The following SNTG1 variants were observed in gnomAD, a reference collection of about 807,000 sequenced individuals.
The protein encoded by SNTG1 is gamma-1-syntrophin.
A neutral mutation model predicts 74.7 loss-of-function variants in SNTG1; 39 were observed. The observed-to-expected ratio is 0.52, with a 90% CI of 0.40 to 0.68. The LOEUF is 0.68. SNTG1 is among the 30% of genes least tolerant of loss of function. The pLI is 0.00. For synonymous variants in SNTG1, 254 were observed against 217.1 expected (o/e 1.17, Z -1.49); for missense variants, 685 against 609.5 (o/e 1.12, Z -1.30).
chr8:50,271,120 C>T (rs952411132), intron 2 of SNTG1, among the ~76,000 whole-genome samples: 1 of 152,104 alleles, frequency 6.6e-6, no homozygotes, highest in Non-Finnish European at 1.5e-5. Flanking sequence ...AGAATAACAA[C>T]ATCCCTGGCA....
intron 9 of SNTG1, 35 bp downstream of exon 9, chr8:50,502,915 C>T: frequency 6.8e-7 from 1 of 1,463,690 alleles, no homozygotes; most frequent in Non-Finnish European, 9.5e-7. Context: ...AAAGTGCTCA[C>T]ATCATTATAG....
At position 50,587,649 on chromosome 8, in the gene SNTG1, A is replaced by C. The variant is rs1016996601; in HGVS notation, c.811-3230A>C. Reference sequence around the variant, plus strand: ...AGACCAGACTGGCTAACATGGCGAAACCCTGTCTCTACTAAAAATACAAAA... The same window carrying C: ...AGACCAGACTGGCTAACATGGCGAACCCCTGTCTCTACTAAAAATACAAAA... On this transcript the variant is annotated intron_variant, in intron 12 of 18. Coordinates refer to ENST00000642720, the MANE Select transcript of SNTG1 (RefSeq NM_018967.5). 2.7e-4 allele frequency among the ~76,000 whole-genome samples: 41 copies of C among 150,978 alleles called. 1 individual carries two copies. The highest frequency in any genetic ancestry group is 3.4e-3 in the Middle Eastern group (1 of 290).
rs191228036 is a variant in SNTG1 at position 50,515,295 on chromosome 8, C to T, written c.466+12415C>T. 4.3e-3 allele frequency among the ~76,000 whole-genome samples: 648 copies of T among 150,948 alleles called. 4 individuals carry two copies. The highest frequency in any genetic ancestry group is 0.015 in the South Asian group (72 of 4,798). On this transcript the variant is annotated intron_variant, in intron 9 of 18. Coordinates refer to ENST00000642720, the MANE Select transcript of SNTG1 (RefSeq NM_018967.5). ...TTATAGTCTATCAAATGTTCCATAACGGCATTATGTGTAAAAATACACATA... is the reference window on the plus strand; with the variant it reads ...TTATAGTCTATCAAATGTTCCATAATGGCATTATGTGTAAAAATACACATA...
At chr8:50,116,883 A>G (rs1414211807) in intron 1 of SNTG1, among the ~76,000 whole-genome samples, 1 of 152,098 alleles carries the variant, frequency 6.6e-6, no homozygotes, top group Admixed American at 6.6e-5. Context: ...CAGCAGAATG[A>G]CCTTCAGAAC....
chr8:50,400,680 G>C (rs1304226453), intron 3 of SNTG1, among the ~76,000 whole-genome samples: 1 of 152,048 alleles, frequency 6.6e-6, no homozygotes, highest in Non-Finnish European at 1.5e-5. Flanking sequence ...TTGTCTTTTT[G>C]TTAGTCACCA....
intron 17 of SNTG1, among the ~76,000 whole-genome samples, chr8:50,712,143 A>T (rs1220179558): frequency 2.6e-5 from 4 of 152,214 alleles, no homozygotes; most frequent in Non-Finnish European, 5.9e-5. Flanking sequence ...GAGACATGGG[A>T]GGGCATACAC....
At position 50,574,724 on chromosome 8, in the gene SNTG1, G is replaced by A. The variant is rs1292834816; in HGVS notation, c.811-16155G>A. 3.3e-5 allele frequency among the ~76,000 whole-genome samples: 5 copies of A among 152,034 alleles called. No homozygotes were observed. In the East Asian group the frequency reaches 7.7e-4, roughly 23 times the overall value. ...TTGTGTATATTATATAATAACTTAC[G>A]AATGGTTTAATATTTGACATGTAAG... On this transcript the variant is annotated intron_variant, in intron 12 of 18. Coordinates refer to ENST00000642720, the MANE Select transcript of SNTG1 (RefSeq NM_018967.5).
intron 18 of SNTG1, among the ~76,000 whole-genome samples, chr8:50,791,577 A>C (rs1397566771): frequency 6.6e-6 from 1 of 152,012 alleles, no homozygotes; most frequent in South Asian, 2.1e-4. Flanking sequence ...AATGTGTCAT[A>C]AAGTATTGAA....
chr8:49,961,383 AG>A (rs1374967387), intron 1 of SNTG1, among the ~76,000 whole-genome samples: 1 of 152,204 alleles, frequency 6.6e-6, no homozygotes, highest in Non-Finnish European at 1.5e-5. Flanking sequence ...TTTTGATTAT[AG>A]GAAAAAGAAT....
At chr8:50,054,766 G>A (rs1335565794) in intron 1 of SNTG1, among the ~76,000 whole-genome samples, 1 of 151,932 alleles carries the variant, frequency 6.6e-6, no homozygotes, top group Non-Finnish European at 1.5e-5. Context: ...TGAACTCTTG[G>A]GTCCAAGCCA....
At chr8:49,979,900 G>A (rs1563425343) in intron 1 of SNTG1, among the ~76,000 whole-genome samples, 1 of 152,214 alleles carries the variant, frequency 6.6e-6, no homozygotes, top group Admixed American at 6.5e-5. Flanking sequence ...TTTCTGTGAG[G>A]AAAATTCTAT....
chr8:50,519,060 C>A (rs1179078677), intron 9 of SNTG1, among the ~76,000 whole-genome samples: 1 of 151,878 alleles, frequency 6.6e-6, no homozygotes, highest in African/African-American at 2.4e-5. Context: ...CCTCCAAAAG[C>A]AACTCTCAAA....
intron 2 of SNTG1, among the ~76,000 whole-genome samples, chr8:50,235,950 T>A (rs1425074970): frequency 6.6e-6 from 1 of 152,128 alleles, no homozygotes; most frequent in African/African-American, 2.4e-5. Flanking sequence ...CATAAAGAAA[T>A]TCCCATAGTT....
At position 49,911,545 on chromosome 8, in the gene SNTG1, C is replaced by A. The variant is rs1410786011; in HGVS notation, c.-789C>A. 2.1e-5 allele frequency: 3 copies of A among 142,920 alleles called. No homozygotes were observed. The highest frequency in any genetic ancestry group is 8.0e-5 in the African/African-American group (3 of 37,552). The allele number at this position is 142,920 out of a possible 1,614,324, so 8.9% of individuals were successfully genotyped here. On this transcript the variant is annotated 5_prime_UTR_variant, in exon 1 of 19. Transcript: ENST00000642720. ...ACTGTTAATTTGGAGAAACAATTAG[C>A]CCCTACAAAAAAAAAAAAGAAAGAA...
At chr8:50,629,256 A>G (rs933193962) in intron 13 of SNTG1, among the ~76,000 whole-genome samples, 1 of 151,890 alleles carries the variant, frequency 6.6e-6, no homozygotes, top group South Asian at 2.1e-4. Flanking sequence ...AATGTATACA[A>G]TTTTTTATCA....
intron 13 of SNTG1, among the ~76,000 whole-genome samples, chr8:50,623,913 C>G (rs1471889975): frequency 1.3e-5 from 2 of 151,708 alleles, no homozygotes; most frequent in South Asian, 2.1e-4. Context: ...TACTCAATTA[C>G]TTTATTGTGA....
At chr8:50,391,671 G>A (rs1373595178) in intron 2 of SNTG1, among the ~76,000 whole-genome samples, 2 of 152,090 alleles carry the variant, frequency 1.3e-5, no homozygotes, top group Non-Finnish European at 2.9e-5. Flanking sequence ...TGTACCTCTG[G>A]TAGAATTCGG....
intron 11 of SNTG1, among the ~76,000 whole-genome samples, chr8:50,546,795 G>T (rs1163412339): frequency 6.6e-6 from 1 of 151,910 alleles, no homozygotes; most frequent in South Asian, 2.1e-4. Flanking sequence ...TTGGACATTT[G>T]GGTTGGTTCC....
chr8:50,225,922 G>A (rs2085305340), intron 2 of SNTG1, among the ~76,000 whole-genome samples: 1 of 152,116 alleles, frequency 6.6e-6, no homozygotes, highest in South Asian at 2.1e-4. Flanking sequence ...ATCACTGGCA[G>A]CTGAAAATAT....
Sources: allele counts gnomAD v4.1 joint callset (sites outside exome capture counted in the v4.1 genomes callset), GRCh38; gene constraint gnomAD v4.1.1; transcripts MANE v1.5; gene names NCBI Gene and HGNC (gene_info 2026-07-23, HGNC 2026-07-21).